MAPK4: variants seen among roughly 807,000 people sequenced by gnomAD.
MAPK4 encodes the protein Erk3-related.
A neutral mutation model predicts 47.7 loss-of-function variants in MAPK4; 22 were observed. The ratio of observed to expected loss-of-function variants is 0.46; its 90% CI spans 0.33 to 0.66. MAPK4 has a LOEUF of 0.66. Ranked by LOEUF, MAPK4 falls within the 30% of genes least tolerant of loss-of-function variation. The probability of loss-of-function intolerance (pLI) is 0.02; values close to 1 mark genes in which losing one functional copy is unlikely to be tolerated. For synonymous variants in MAPK4, 390 were observed against 365.7 expected, an observed-to-expected ratio of 1.07 and a Z score of -0.76; for missense variants, 736 against 831.7, an observed-to-expected ratio of 0.88 and a Z score of 1.42.
At chr18:50,596,336 T>G (rs1170243854) in intron 1 of MAPK4, among the ~76,000 whole-genome samples, 2 of 152,178 alleles carry the variant, frequency 1.3e-5, no homozygotes, top group Non-Finnish European at 2.9e-5. Flanking sequence ...CTGGTTTGCT[T>G]CTTCTGTTTG....
intron 1 of MAPK4, among the ~76,000 whole-genome samples, chr18:50,594,493 T>G (rs928307610): frequency 2.0e-5 from 3 of 152,174 alleles, no homozygotes; most frequent in African/African-American, 4.8e-5. Context: ...CACAGTTGAT[T>G]CGACAGGAAA....
intron 1 of MAPK4, among the ~76,000 whole-genome samples, chr18:50,618,714 A>G (rs2042705475): frequency 1.3e-5 from 2 of 152,194 alleles, no homozygotes; most frequent in South Asian, 4.1e-4. Context: ...AATGTTAGAG[A>G]CCACATGCAA....
At chr18:50,661,186 A>G (rs752768899) in intron 1 of MAPK4, among the ~76,000 whole-genome samples, 2 of 152,152 alleles carry the variant, frequency 1.3e-5, no homozygotes, top group African/African-American at 2.4e-5. Flanking sequence ...TCTTTTTGCT[A>G]TGCCCTTGGG....
chr18:50,637,778 G>A (rs149982546), intron 1 of MAPK4, among the ~76,000 whole-genome samples: 15 of 152,322 alleles, frequency 9.8e-5, no homozygotes, highest in South Asian at 2.1e-4. Flanking sequence ...TGGCTTGCAC[G>A]TGGCCACCTT....
intron 1 of MAPK4, among the ~76,000 whole-genome samples, chr18:50,610,814 C>A (rs893315): frequency 0.48 from 73,152 of 151,988 alleles, 17,809 homozygotes; most frequent in Non-Finnish European, 0.52. Flanking sequence ...TATAACTGAT[C>A]AAGTTCTCCT....
intron 1 of MAPK4, among the ~76,000 whole-genome samples, chr18:50,582,711 C>T (rs2042356656): frequency 6.6e-6 from 1 of 152,242 alleles, no homozygotes; most frequent in Non-Finnish European, 1.5e-5. Flanking sequence ...GGCTTGTGCC[C>T]TGGCCCAGAT....
chr18:50,574,066 T>C (rs890058365), intron 1 of MAPK4, among the ~76,000 whole-genome samples: 1 of 152,162 alleles, frequency 6.6e-6, no homozygotes, highest in African/African-American at 2.4e-5. Flanking sequence ...GTAAAAAGAA[T>C]TTTGCTCTTT....
chr18:50,624,764 T>G (rs565735642), intron 1 of MAPK4, among the ~76,000 whole-genome samples: 1 of 152,148 alleles, frequency 6.6e-6, no homozygotes, highest in Non-Finnish European at 1.5e-5. Context: ...ACATACTGTT[T>G]TAAGACAGAT....
chr18:50,591,606 A>G (rs899711272), intron 1 of MAPK4, among the ~76,000 whole-genome samples: 6 of 151,412 alleles, frequency 4.0e-5, no homozygotes, highest in African/African-American at 1.5e-4. Flanking sequence ...TATGGTTTAC[A>G]AAATGTTTTC....
chr18:50,627,283 G>C (rs930481867), intron 1 of MAPK4, among the ~76,000 whole-genome samples: 1 of 152,184 alleles, frequency 6.6e-6, no homozygotes, highest in African/African-American at 2.4e-5. Context: ...TTGGAGGTGG[G>C]AAGGATTCCG....
At position 50,729,517 on chromosome 18, in the gene MAPK4, T is replaced by G; in HGVS notation, c.1427T>G (p.Leu476Arg). ...GGCGCGCCCCCCACGGCCACGGGGC[T>G]GGCGGACACGGGGGCGCGCGAGGAC... ...AAGAPPTATG[L>R]ADTGAREDEP... The change falls in exon 6 of 6, where the codon CTG becomes CGG. Residue 476 changes from leucine (L) to arginine (R), a missense_variant. By Grantham distance (102) the Leu-to-Arg change is moderately radical (BLOSUM62 -2). This residue lies in a region of MAPK4 where 377 missense variants were observed against 378.6 expected (regional missense o/e 1.00). Coordinates refer to ENST00000400384, the MANE Select transcript of MAPK4 (RefSeq NM_002747.4). 3 of 1,442,634 alleles carry G rather than the reference T, an allele frequency of 2.1e-6. No individual in the cohort carries two copies. Among genetic ancestry groups the G allele is most frequent in the Non-Finnish European group, 2.7e-6 (3 of 1,097,384 alleles). 89.4% of individuals were successfully genotyped at this position (1,442,634 alleles called of 1,614,324 possible). A position where few individuals can be genotyped will look rare whatever the true frequency, so the allele number is the denominator to read the frequency against.
intron 1 of MAPK4, among the ~76,000 whole-genome samples, chr18:50,659,528 C>T (rs1429389864): frequency 3.3e-5 from 5 of 152,200 alleles, no homozygotes; most frequent in Non-Finnish European, 2.9e-5. Context: ...CAGAAAGGGA[C>T]AGTTGGCACA....
At chr18:50,599,431 A>T in intron 1 of MAPK4, among the ~76,000 whole-genome samples, 1 of 152,210 alleles carries the variant, frequency 6.6e-6, no homozygotes, top group South Asian at 2.1e-4. Context: ...TATTATTATT[A>T]TTATTTTGAG....
chr18:50,675,068 T>G (rs527264027), intron 2 of MAPK4, among the ~76,000 whole-genome samples: 1 of 152,314 alleles, frequency 6.6e-6, no homozygotes, highest in Admixed American at 6.5e-5. Flanking sequence ...TACTAAATCC[T>G]CATAACAACC....
At chr18:50,610,789 A>G (rs2042626190) in intron 1 of MAPK4, among the ~76,000 whole-genome samples, 1 of 152,206 alleles carries the variant, frequency 6.6e-6, no homozygotes, top group Non-Finnish European at 1.5e-5. Context: ...CTGGGCTTCT[A>G]TCACAGCAAA....
chr18:50,619,642 GC>G (rs928889926), intron 1 of MAPK4, among the ~76,000 whole-genome samples: 18 of 152,240 alleles, frequency 1.2e-4, no homozygotes, highest in African/African-American at 4.1e-4. Context: ...ACACAAATGG[GC>G]CTTCATCCAG....
intron 1 of MAPK4, among the ~76,000 whole-genome samples, chr18:50,660,539 C>T (rs1373205719): frequency 2.0e-5 from 3 of 152,168 alleles, no homozygotes; most frequent in Admixed American, 2.0e-4. Flanking sequence ...ACTTGTGAAG[C>T]TTACAGTCTA....
At chr18:50,602,144 G>A (rs1167808891) in intron 1 of MAPK4, among the ~76,000 whole-genome samples, 1 of 152,094 alleles carries the variant, frequency 6.6e-6, no homozygotes, top group Non-Finnish European at 1.5e-5. Flanking sequence ...TGATTCCATA[G>A]ACAATGTAAT....
intron 1 of MAPK4, among the ~76,000 whole-genome samples, chr18:50,571,159 C>T (rs1281724732): frequency 1.3e-5 from 2 of 152,098 alleles, no homozygotes; most frequent in Non-Finnish European, 2.9e-5. Flanking sequence ...TGGAGACCAC[C>T]GTATACCATG....
Sources: gnomAD v4.1 joint callset for allele counts (sites outside exome capture counted in the v4.1 genomes callset) on GRCh38, gnomAD v4.1.1 for gene constraint, gnomAD v4.1.1 regional missense constraint, MANE v1.5 for transcripts, NCBI Gene and HGNC (gene_info 2026-07-23, HGNC 2026-07-21) for gene names.